The following DTD1 variants were observed in gnomAD, a reference collection of about 807,000 sequenced individuals.
DTD1 encodes D-aminoacyl-tRNA deacylase 1.
A neutral mutation model predicts 25.6 loss-of-function variants in DTD1; 13 were observed. The observed-to-expected ratio is 0.51, with a 90% confidence interval of 0.33 to 0.81. The LOEUF is 0.81. DTD1 is among the 30% of genes least tolerant of loss of function. The pLI, the probability that DTD1 is intolerant of heterozygous loss-of-function variation, is 0.02. For missense variants in DTD1, 193 were observed against 266.4 expected (o/e 0.72, Z 1.92); for synonymous variants, 110 against 103.6 (o/e 1.06, Z -0.37).
chr20:18,647,502 G>A (rs1277039273), intron 4 of DTD1, among the ~76,000 whole-genome samples: 2 of 152,148 alleles, frequency 1.3e-5, no homozygotes, highest in Admixed American at 1.3e-4. Flanking sequence ...GTTGCATCTC[G>A]AAGGTTGAGG....
intron 4 of DTD1, among the ~76,000 whole-genome samples, chr20:18,683,686 C>G (rs1363697599): frequency 2.0e-5 from 3 of 152,278 alleles, no homozygotes; most frequent in South Asian, 4.1e-4. Flanking sequence ...TCAAAGATAG[C>G]CTGATGCAGT....
chr20:18,617,967 A>G (rs1309167176), intron 3 of DTD1, among the ~76,000 whole-genome samples: 1 of 152,096 alleles, frequency 6.6e-6, no homozygotes, highest in Non-Finnish European at 1.5e-5. Flanking sequence ...AGCCTGGCTT[A>G]TTTAATAGAT....
intron 3 of DTD1, among the ~76,000 whole-genome samples, chr20:18,627,661 G>C (rs1044742542): frequency 6.6e-6 from 1 of 152,134 alleles, no homozygotes; most frequent in African/African-American, 2.4e-5. Flanking sequence ...ACTGTGACCC[G>C]GGTTTTGGAT....
At chr20:18,695,042 A>G in intron 4 of DTD1, among the ~76,000 whole-genome samples, 1 of 152,170 alleles carries the variant, frequency 6.6e-6, no homozygotes, top group Non-Finnish European at 1.5e-5. Context: ...ACATCAGGAC[A>G]CAGATACTCA....
intron 4 of DTD1, among the ~76,000 whole-genome samples, chr20:18,648,609 TTTCATCTCTCTCTC>T (rs1003903488): frequency 4.0e-4 from 61 of 152,320 alleles, no homozygotes; most frequent in Middle Eastern, 3.4e-3. Flanking sequence ...TTTTCTCTTC[TTTCATCTCTCTCTC>T]TTCCTCCTCC....
At chr20:18,715,499 C>T (rs931241279) in intron 4 of DTD1, among the ~76,000 whole-genome samples, 5 of 152,152 alleles carry the variant, frequency 3.3e-5, no homozygotes, top group African/African-American at 7.2e-5. Context: ...AAGCATCAGA[C>T]GAGACCGGGT....
intron 4 of DTD1, among the ~76,000 whole-genome samples, chr20:18,687,922 C>T (rs530770043): frequency 6.6e-6 from 1 of 152,296 alleles, no homozygotes; most frequent in Admixed American, 6.5e-5. Context: ...TTGCAGAAGG[C>T]TGTTTGGACT....
intron 4 of DTD1, among the ~76,000 whole-genome samples, chr20:18,726,551 G>T (rs908590687): frequency 6.6e-6 from 1 of 152,140 alleles, no homozygotes; most frequent in Non-Finnish European, 1.5e-5. Flanking sequence ...TAGGTGCCTT[G>T]TGCATGGATG....
intron 3 of DTD1, among the ~76,000 whole-genome samples, chr20:18,616,191 C>T (rs2060708342): frequency 6.6e-6 from 1 of 152,188 alleles, no homozygotes; most frequent in Non-Finnish European, 1.5e-5. Context: ...AGATGTCCAA[C>T]TGATTTTGGC....
intron 4 of DTD1, among the ~76,000 whole-genome samples, chr20:18,663,169 C>G (rs932586): frequency 0.31 from 47,174 of 151,882 alleles, 8,103 homozygotes; most frequent in South Asian, 0.43. Context: ...ATGGGATGCC[C>G]TAATAGGGCT....
At chr20:18,633,096 T>C (rs2060795023) in intron 4 of DTD1, among the ~76,000 whole-genome samples, 1 of 152,196 alleles carries the variant, frequency 6.6e-6, no homozygotes, top group Admixed American at 6.5e-5. Flanking sequence ...ACCATTCAGT[T>C]TGTGCTCCTC....
At chr20:18,677,919 G>A (rs2060982560) in intron 4 of DTD1, among the ~76,000 whole-genome samples, 2 of 152,196 alleles carry the variant, frequency 1.3e-5, no homozygotes, top group South Asian at 4.1e-4. Context: ...ATACACAAGT[G>A]TGATCTTAAA....
At chr20:18,694,758 A>G (rs1180091660) in intron 4 of DTD1, among the ~76,000 whole-genome samples, 4 of 152,150 alleles carry the variant, frequency 2.6e-5, no homozygotes, top group Admixed American at 6.5e-5. Context: ...CAGGTCACAA[A>G]TTGCATTTAT....
At chr20:18,635,988 A>G (rs2060805884) in intron 4 of DTD1, among the ~76,000 whole-genome samples, 3 of 152,200 alleles carry the variant, frequency 2.0e-5, no homozygotes, top group South Asian at 2.1e-4. Flanking sequence ...AGACATTTCT[A>G]ATCTCCAACC....
At chr20:18,753,830 A>G (rs1031693929) in intron 5 of DTD1, among the ~76,000 whole-genome samples, 5 of 152,072 alleles carry the variant, frequency 3.3e-5, no homozygotes, top group Non-Finnish European at 7.4e-5. Context: ...TCTATCTGTG[A>G]AGTCAGGACC....
chr20:18,704,555 T>C (rs2061118546), intron 4 of DTD1, among the ~76,000 whole-genome samples: 1 of 152,176 alleles, frequency 6.6e-6, no homozygotes. Flanking sequence ...GAAATTTTGT[T>C]GTTGTCACTG....
rs1349925632 is a variant in DTD1, at chr20:18,629,630, ATCTT to A, written c.477+1403_477+1406del. Among the ~76,000 whole-genome samples, 3 of 150,574 alleles carry A rather than the reference ATCTT, an allele frequency of 2.0e-5. No individual in the cohort carries two copies. The East Asian group carries it at 5.8e-4, about 29-fold the overall frequency. On this transcript the variant is annotated intron_variant, in intron 4 of 5. Transcript: ENST00000377452. ...AGCCAGATTTTTAAAGTGGAACATA[ATCTT>A]TCTTTTTTGTTTCTGTATTAGTTTA...
rs186851393 is a variant in DTD1 at position 18,640,573 on chromosome 20, G to A, written c.477+12340G>A. ...AAAATTTTTAGGTATACAGTTTCGTGGCATTAGTATATTCACATTGTTATG... is the reference window on the plus strand; with the variant it reads ...AAAATTTTTAGGTATACAGTTTCGTAGCATTAGTATATTCACATTGTTATG... On this transcript the variant is annotated intron_variant, in intron 4 of 5. Coordinates refer to ENST00000377452, the MANE Select transcript of DTD1 (RefSeq NM_080820.6). 1.1e-3 allele frequency among the ~76,000 whole-genome samples: 167 copies of A among 151,028 alleles called. 1 individual carries two copies. Among genetic ancestry groups the A allele is most frequent in the African/African-American group, 3.8e-3 (158 of 41,142 alleles).
chr20:18,588,455 A>G (rs1301847882), intron 1 of DTD1, among the ~76,000 whole-genome samples: 1 of 152,230 alleles, frequency 6.6e-6, no homozygotes, highest in Non-Finnish European at 1.5e-5. Context: ...TCCGCTCTTC[A>G]GGGAGTGTTG....
Sources: allele counts gnomAD v4.1 joint callset (sites outside exome capture counted in the v4.1 genomes callset), GRCh38; gene constraint gnomAD v4.1.1; transcripts MANE v1.5; gene names NCBI Gene and HGNC (gene_info 2026-07-23, HGNC 2026-07-21).